Variants in SPAG17 observed in about 807,000 individuals in gnomAD.
The protein encoded by SPAG17 is sperm associated antigen 17, also known as sperm-associated antigen 17.
In SPAG17, 169 loss-of-function variants were observed where a neutral mutation model predicts 273.6. The ratio of observed to expected loss-of-function variants is 0.62; its 90% CI spans 0.55 to 0.70. SPAG17 has a LOEUF of 0.70. Ranked by LOEUF, SPAG17 falls within the 30% of genes least tolerant of loss-of-function variation. The pLI, the probability that SPAG17 is intolerant of heterozygous loss-of-function variation, is 0.00. For synonymous variants in SPAG17, 825 were observed against 873.2 expected (o/e 0.94, Z 0.97); for missense variants, 2,557 against 2,627.8 (o/e 0.97, Z 0.59).
At chr1:118,036,482 CAAGT>C (rs1174661480) in intron 24 of SPAG17, 1 of 179,864 alleles carries the variant, frequency 5.6e-6, no homozygotes, top group Non-Finnish European at 1.1e-5. Context: ...TATAATCACA[CAAGT>C]AATCTTATAT....
chr1:117,957,172 G>A (rs1288529310), intron 48 of SPAG17: 1 of 1,611,548 alleles, frequency 6.2e-7, no homozygotes, highest in Admixed American at 1.7e-5. Context: ...GAACTTATAT[G>A]CCGGTGCCTC....
At chr1:118,043,593 T>C (rs1014814519) in intron 20 of SPAG17, among the ~76,000 whole-genome samples, 1 of 152,232 alleles carries the variant, frequency 6.6e-6, no homozygotes, top group Non-Finnish European at 1.5e-5. Flanking sequence ...TGCTACTGCA[T>C]AGCACTGCCA....
intron 23 of SPAG17, 34 bp from the exon 24 acceptor site, chr1:118,036,917 T>G: frequency 7.0e-7 from 1 of 1,425,458 alleles, no homozygotes; most frequent in South Asian, 1.2e-5. Flanking sequence ...AACATTTTCA[T>G]TTAATTCAAA....
chr1:118,140,393 G>A (rs1239668013), intron 3 of SPAG17, among the ~76,000 whole-genome samples: 1 of 152,058 alleles, frequency 6.6e-6, no homozygotes, highest in Non-Finnish European at 1.5e-5. Flanking sequence ...TAATGGATAT[G>A]TTAACTAGCT....
intron 3 of SPAG17, among the ~76,000 whole-genome samples, chr1:118,123,769 C>A (rs962000731): frequency 2.0e-5 from 3 of 152,164 alleles, no homozygotes; most frequent in South Asian, 2.1e-4. Context: ...AAATAAACAA[C>A]CCCTTTCAAG....
chr1:117,976,017 C>G (rs900314671), intron 43 of SPAG17, among the ~76,000 whole-genome samples: 5 of 152,140 alleles, frequency 3.3e-5, no homozygotes, highest in African/African-American at 1.2e-4. Context: ...ATTATTTCCC[C>G]TTTACAGAAG....
At chr1:117,956,632 TA>T (rs1223694131) in intron 48 of SPAG17, among the ~76,000 whole-genome samples, 1 of 152,152 alleles carries the variant, frequency 6.6e-6, no homozygotes, top group Non-Finnish European at 1.5e-5. Flanking sequence ...GAGCTAGTTC[TA>T]GAGGGAACTA....
chr1:118,180,189 A>G (rs1453151168), intron 1 of SPAG17, among the ~76,000 whole-genome samples: 1 of 152,086 alleles, frequency 6.6e-6, no homozygotes, highest in Non-Finnish European at 1.5e-5. Context: ...TATGGAATCA[A>G]TCTAAGTTCC....
At chr1:117,976,596 T>G (rs756154165) in intron 43 of SPAG17, among the ~76,000 whole-genome samples, 2 of 152,300 alleles carry the variant, frequency 1.3e-5, no homozygotes, top group Admixed American at 6.5e-5. Flanking sequence ...GACCTTCTGC[T>G]GTGAGGATGG....
chr1:118,128,478 G>T (rs1447608147), intron 3 of SPAG17, among the ~76,000 whole-genome samples: 1 of 152,106 alleles, frequency 6.6e-6, no homozygotes, highest in African/African-American at 2.4e-5. Flanking sequence ...TCTTGTTCCA[G>T]TTCTTAGAGG....
At chr1:118,091,008 A>G (rs942104184) in intron 10 of SPAG17, among the ~76,000 whole-genome samples, 1 of 152,172 alleles carries the variant, frequency 6.6e-6, no homozygotes, top group African/African-American at 2.4e-5. Context: ...TGAAAAGACC[A>G]ATACAATAGC....
intron 25 of SPAG17, among the ~76,000 whole-genome samples, 159 bp downstream of exon 25, chr1:118,031,533 C>T (rs1648465931): frequency 6.6e-6 from 1 of 151,944 alleles, no homozygotes; most frequent in South Asian, 2.1e-4. Flanking sequence ...GGTACAAATC[C>T]TTCTTGTCTA....
intron 4 of SPAG17, among the ~76,000 whole-genome samples, chr1:118,107,760 G>T (rs768695686): frequency 4.6e-5 from 7 of 152,098 alleles, no homozygotes; most frequent in Non-Finnish European, 8.8e-5. Flanking sequence ...AAAATATAAA[G>T]AGCTTACAAA....
chr1:118,009,808 C>T (rs561017495), intron 30 of SPAG17, among the ~76,000 whole-genome samples: 33 of 151,380 alleles, frequency 2.2e-4, no homozygotes, highest in African/African-American at 8.0e-4. Context: ...TTCACAAAAA[C>T]CAAGATTTGG....
intron 24 of SPAG17, among the ~76,000 whole-genome samples, chr1:118,033,246 G>A (rs1232935321): frequency 2.0e-5 from 3 of 152,100 alleles, no homozygotes; most frequent in Admixed American, 6.5e-5. Context: ...GGCATCTCCT[G>A]GTTGTGGTGC....
chr1:118,043,870 C>T (rs1230322348), intron 20 of SPAG17, among the ~76,000 whole-genome samples: 3 of 152,126 alleles, frequency 2.0e-5, no homozygotes, highest in African/African-American at 7.2e-5. Flanking sequence ...TGAGACATAT[C>T]CTTTCTTTGT....
intron 3 of SPAG17, among the ~76,000 whole-genome samples, chr1:118,131,035 C>T (rs1658026356): frequency 6.6e-6 from 1 of 152,212 alleles, no homozygotes; most frequent in Non-Finnish European, 1.5e-5. Context: ...GGACTCCTAT[C>T]ATGGACTCAA....
Position 117,991,500 on chromosome 1 carries a change from T to C in SPAG17, c.5390A>G (p.Glu1797Gly), listed in dbSNP as rs976327783. 1 of 1,611,184 alleles carries C rather than the reference T, an allele frequency of 6.2e-7. No homozygotes were observed. The highest frequency in any genetic ancestry group is 8.5e-7 in the Non-Finnish European group (1 of 1,177,750). ...AACCATCATTTCCTGCAGCTCATCT[T>C]CTTTCTTTAGAATATAGTTTATGTA... ...KDYINYILKKEDELQEMMVKD... is the reference protein window; with the variant it reads ...KDYINYILKKGDELQEMMVKD... The change falls in exon 37 of 49, where the codon GAA becomes GGA. Residue 1797 changes from glutamate (E) to glycine (G), a missense_variant. By Grantham distance (98) the Glu-to-Gly change is moderately conservative. Transcript: ENST00000336338.
intron 48 of SPAG17, chr1:117,959,594 C>A: frequency 2.4e-6 from 2 of 832,904 alleles, no homozygotes; most frequent in Non-Finnish European, 3.4e-6. Flanking sequence ...TCCAGCTTTG[C>A]CTGAGGGAAT....
Sources: allele counts gnomAD v4.1 joint callset (sites outside exome capture counted in the v4.1 genomes callset), GRCh38; gene constraint gnomAD v4.1.1; transcripts MANE v1.5; gene names NCBI Gene and HGNC (gene_info 2026-07-23, HGNC 2026-07-21).